Variants in TULP4 observed in about 807,000 individuals in gnomAD.
TULP4 encodes tubby-related protein 4.
Under a neutral mutation model 129.0 loss-of-function variants are expected in TULP4, and 16 were observed. That is an observed-to-expected ratio of 0.12 (90% CI 0.08 to 0.19). The LOEUF (loss-of-function observed/expected upper bound fraction) is 0.19, where lower values mean the gene tolerates loss of function less well. Among genes scored for constraint, TULP4 ranks in the 10% least tolerant of loss-of-function variants. The pLI is 1.00. For synonymous variants in TULP4, 998 were observed against 854.0 expected (o/e 1.17, Z -2.94); for missense variants, 1,842 against 2,059.1 (o/e 0.89, Z 2.04).
intron 1 of TULP4, among the ~76,000 whole-genome samples, chr6:158,386,201 C>T (rs1777444724): frequency 6.6e-6 from 1 of 151,928 alleles, no homozygotes; most frequent in African/African-American, 2.4e-5. Flanking sequence ...GATACTCACC[C>T]TAAATTTTTT....
chr6:158,265,170 C>CT (rs1475036053), intron 1 of TULP4, among the ~76,000 whole-genome samples: 6 of 152,200 alleles, frequency 3.9e-5, no homozygotes, highest in Non-Finnish European at 8.8e-5. Flanking sequence ...GGAAAGCTGA[C>CT]TTTCGGGGAG....
intron 11 of TULP4, among the ~76,000 whole-genome samples, chr6:158,495,264 G>A (rs1449585194): frequency 1.3e-5 from 2 of 152,022 alleles, no homozygotes; most frequent in African/African-American, 4.8e-5. Flanking sequence ...CATTGTCCAT[G>A]CTGGTCTCAA....
intron 7 of TULP4, 68 bp downstream of exon 7, chr6:158,480,043 G>A: frequency 7.7e-7 from 1 of 1,293,878 alleles, no homozygotes; most frequent in Non-Finnish European, 1.1e-6. Flanking sequence ...AGCCAGGGCA[G>A]AGACAGGTGA....
intron 1 of TULP4, among the ~76,000 whole-genome samples, chr6:158,315,171 C>A (rs925099722): frequency 3.3e-5 from 5 of 152,134 alleles, no homozygotes; most frequent in African/African-American, 1.2e-4. Context: ...GGTCTTAGTC[C>A]ATTTGTGCTA....
chr6:158,351,997 C>T (rs1268202377), intron 1 of TULP4, among the ~76,000 whole-genome samples: 3 of 152,096 alleles, frequency 2.0e-5, no homozygotes, highest in South Asian at 2.1e-4. Flanking sequence ...GCTGGGATTA[C>T]AGGCGTGAGC....
At chr6:158,504,495 C>T (rs374985336) in intron 13 of TULP4, among the ~76,000 whole-genome samples, 34 of 151,636 alleles carry the variant, frequency 2.2e-4, no homozygotes, top group African/African-American at 6.5e-4. Context: ...TACACGTGCC[C>T]GCCACCATGC....
chr6:158,477,221 T>C (rs541545258), intron 6 of TULP4, among the ~76,000 whole-genome samples: 5 of 152,326 alleles, frequency 3.3e-5, no homozygotes, highest in East Asian at 1.9e-4. Context: ...CACATACTTA[T>C]GATAATTTTA....
chr6:158,476,493 C>T (rs747276104), intron 6 of TULP4, among the ~76,000 whole-genome samples: 2 of 152,174 alleles, frequency 1.3e-5, no homozygotes, highest in Non-Finnish European at 1.5e-5. Flanking sequence ...GCTGAGAATT[C>T]CAAGTCGTCC....
At chr6:158,435,474 TC>T (rs1778730338) in intron 3 of TULP4, among the ~76,000 whole-genome samples, 1 of 152,138 alleles carries the variant, frequency 6.6e-6, no homozygotes, top group South Asian at 2.1e-4. Flanking sequence ...CCCAGCTGGA[TC>T]TTGCCTCCTC....
intron 2 of TULP4, among the ~76,000 whole-genome samples, chr6:158,427,428 A>C (rs1160462612): frequency 1.3e-5 from 2 of 150,540 alleles, no homozygotes; most frequent in African/African-American, 4.9e-5. Flanking sequence ...CAGTTTTGAA[A>C]ACTTACATGA....
intron 1 of TULP4, among the ~76,000 whole-genome samples, chr6:158,327,226 A>G (rs1443873976): frequency 1.3e-5 from 2 of 152,202 alleles, no homozygotes; most frequent in Non-Finnish European, 2.9e-5. Flanking sequence ...TATGTGACCT[A>G]AAAAACATTC....
intron 1 of TULP4, among the ~76,000 whole-genome samples, chr6:158,407,696 C>G (rs1778000577): frequency 6.6e-6 from 1 of 152,222 alleles, no homozygotes; most frequent in Middle Eastern, 3.4e-3. Flanking sequence ...CATGGATAAA[C>G]CCTGAAAACA....
intron 1 of TULP4, among the ~76,000 whole-genome samples, chr6:158,360,097 CAA>C (rs112453559): frequency 8.1e-6 from 1 of 122,996 alleles, no homozygotes; most frequent in Admixed American, 8.3e-5. Context: ...TTTATGCCTC[CAA>C]AAAAAAAAAC....
At chr6:158,474,639 A>G (rs570918083) in intron 6 of TULP4, among the ~76,000 whole-genome samples, 1 of 152,134 alleles carries the variant, frequency 6.6e-6, no homozygotes, top group African/African-American at 2.4e-5. Flanking sequence ...GAATTTCACT[A>G]CCTCACGTTA....
At position 158,508,528 on chromosome 6, in the gene TULP4, G is replaced by A. The variant is rs1215861581; in HGVS notation, c.*1834G>A. The stretch of plus-strand genomic sequence containing the variant: ...TACCAGTTTCTCATTTATATTTAAC[G>A]TATTGGACCTGATATTTTTAGTGGG... On this transcript the variant is annotated 3_prime_UTR_variant, in exon 14 of 14. Coordinates refer to ENST00000367097, the MANE Select transcript of TULP4 (RefSeq NM_020245.5). 3 of 152,632 alleles carry A rather than the reference G, an allele frequency of 2.0e-5. No homozygotes were observed. Among genetic ancestry groups the A allele is most frequent in the South Asian group, 2.1e-4 (1 of 4,812 alleles). The allele number at this position is 152,632 out of a possible 1,614,324, so 9.5% of individuals were successfully genotyped here. A position where few individuals can be genotyped will look rare whatever the true frequency, so the allele number is the denominator to read the frequency against.
Position 158,502,977 on chromosome 6 carries a change from G to A in TULP4, c.3314G>A (p.Arg1105Lys). ...SQHCQLEKPL[R>K]HPPLPEAAVT... ...CACTGTCAGCTTGAGAAGCCCTTGA[G>A]GCACCCTCCCCTGCCTGAAGCTGCT... The change falls in exon 13 of 14, where the codon AGG (arginine) becomes AAG (lysine). Residue 1105 changes from arginine to lysine, a missense_variant. Coordinates refer to ENST00000367097, the MANE Select transcript of TULP4 (RefSeq NM_020245.5). 1.2e-6 allele frequency: 2 copies of A among 1,613,856 alleles called. No individual in the cohort carries two copies. The highest frequency in any genetic ancestry group is 1.3e-5 in the African/African-American group (1 of 75,016).
At chr6:158,437,554 G>A (rs984012806) in intron 3 of TULP4, among the ~76,000 whole-genome samples, 4 of 151,778 alleles carry the variant, frequency 2.6e-5, no homozygotes, top group African/African-American at 9.7e-5. Flanking sequence ...AGCAAGATCC[G>A]GTCTCAAATA....
chr6:158,234,447 T>C (rs1562488445), intron 1 of TULP4, among the ~76,000 whole-genome samples: 1 of 152,240 alleles, frequency 6.6e-6, no homozygotes, highest in East Asian at 1.9e-4. Context: ...TTGCTATAGA[T>C]TCCAGTATCT....
intron 1 of TULP4, among the ~76,000 whole-genome samples, chr6:158,299,852 G>A (rs1370091513): frequency 6.6e-6 from 1 of 152,158 alleles, no homozygotes; most frequent in East Asian, 1.9e-4. Flanking sequence ...AAGACAAAGT[G>A]TAAGGGGGAG....
Sources: gnomAD v4.1 joint callset for allele counts (sites outside exome capture counted in the v4.1 genomes callset) on GRCh38, gnomAD v4.1.1 for gene constraint, MANE v1.5 for transcripts, NCBI Gene and HGNC (gene_info 2026-07-23, HGNC 2026-07-21) for gene names.